Variants in WDFY2 observed in about 807,000 individuals in gnomAD.
The protein encoded by WDFY2 is WD repeat and FYVE domain containing 2.
Under a neutral mutation model 56.4 loss-of-function variants are expected in WDFY2, and 36 were observed. The ratio of observed to expected loss-of-function variants is 0.64; its 90% CI spans 0.49 to 0.84. WDFY2 has a LOEUF of 0.84. WDFY2 is among the 40% of genes least tolerant of loss of function. The probability of loss-of-function intolerance (pLI) is 0.00; values close to 1 mark genes in which losing one functional copy is unlikely to be tolerated. For missense variants in WDFY2, 444 were observed against 512.2 expected (o/e 0.87, Z 1.29); for synonymous variants, 176 against 183.7 (o/e 0.96, Z 0.34).
rs957738545 is a variant in WDFY2, at chr13:51,681,975, C to T, written c.279+6732C>T. On this transcript the variant is annotated intron_variant, in intron 3 of 11. Transcript: ENST00000298125. ...TTATCTAAAAACTTGGTCAAGCAGTCGTGAATGCAGATACCAAGAGCATTT... is the reference window on the plus strand; with the variant it reads ...TTATCTAAAAACTTGGTCAAGCAGTTGTGAATGCAGATACCAAGAGCATTT... Among the ~76,000 whole-genome samples, 4 of 152,256 alleles carry T rather than the reference C, an allele frequency of 2.6e-5. 1 individual carries two copies. The South Asian group carries it at 6.2e-4, about 24-fold the overall frequency.
intron 4 of WDFY2, among the ~76,000 whole-genome samples, chr13:51,710,285 T>A (rs1250844979): frequency 6.6e-6 from 1 of 152,160 alleles, no homozygotes; most frequent in African/African-American, 2.4e-5. Flanking sequence ...ATGGGACGTA[T>A]CTCAAAATAA....
chr13:51,708,565 G>A (rs140458534), intron 4 of WDFY2, among the ~76,000 whole-genome samples: 1 of 139,968 alleles, frequency 7.1e-6, no homozygotes, highest in East Asian at 2.1e-4. Context: ...GAATCATATA[G>A]TAATTCCCAA....
In WDFY2 at chr13:51,766,208, T is replaced by C. The variant is rs1331488828; in HGVS notation, c.*6439T>C. 2 of 152,262 alleles carry C rather than the reference T, an allele frequency of 1.3e-5. No homozygotes were observed. The highest frequency in any genetic ancestry group is 4.8e-5 in the African/African-American group (2 of 41,464). The allele number at this position is 152,262 out of a possible 1,614,324, so 9.4% of individuals were successfully genotyped here. A position where few individuals can be genotyped will look rare whatever the true frequency, so the allele number is the denominator to read the frequency against. On this transcript the variant is annotated 3_prime_UTR_variant, in exon 12 of 12. Coordinates refer to ENST00000298125, the MANE Select transcript of WDFY2 (RefSeq NM_052950.4). Reference sequence around the variant, plus strand: ...GCCTTGCTTTTTAAATGACTTTGTTTTTCAAGGTGCTGTCATTTTGCAAAA... The same window carrying C: ...GCCTTGCTTTTTAAATGACTTTGTTCTTCAAGGTGCTGTCATTTTGCAAAA...
intron 4 of WDFY2, among the ~76,000 whole-genome samples, chr13:51,714,741 A>G (rs1952305821): frequency 6.6e-6 from 1 of 152,242 alleles, no homozygotes; most frequent in Non-Finnish European, 1.5e-5. Flanking sequence ...CTGAAGGCAT[A>G]TATAGTCATG....
chr13:51,589,189 T>C (rs1953999450), intron 1 of WDFY2: 1 of 152,206 alleles, frequency 6.6e-6, no homozygotes, highest in Non-Finnish European at 1.5e-5. Flanking sequence ...GGTGATCACC[T>C]TTTTGAATTG....
chr13:51,749,638 G>T lies in WDFY2; in HGVS notation c.726-1672G>T, dbSNP rs74462907. Among the ~76,000 whole-genome samples the T allele has an allele frequency of 5.4e-3, 819 of 152,188 alleles. 3 individuals are homozygous for T. The highest frequency in any genetic ancestry group is 0.019 in the African/African-American group (785 of 41,534). ...TTAAAGTGGCAAAAAATGAACTCCTGTATTGACACAACTCAAAGGTATAGC... is the reference window on the plus strand; with the variant it reads ...TTAAAGTGGCAAAAAATGAACTCCTTTATTGACACAACTCAAAGGTATAGC... On this transcript the variant is annotated intron_variant, in intron 7 of 11. Transcript: ENST00000298125.
intron 7 of WDFY2, among the ~76,000 whole-genome samples, chr13:51,745,973 C>CTTTTTCTT (rs1953090484): frequency 4.0e-5 from 4 of 100,760 alleles, no homozygotes; most frequent in Non-Finnish European, 7.6e-5. Context: ...TTTTCTTTTT[C>CTTTTTCTT]TTTTTTTTTT....
chr13:51,660,588 T>G lies in WDFY2; in HGVS notation c.138-8T>G. On this transcript the variant is annotated splice_region_variant and splice_polypyrimidine_tract_variant and intron_variant, in intron 1 of 11. Coordinates refer to ENST00000298125, the MANE Select transcript of WDFY2 (RefSeq NM_052950.4). ...GTGATTTCATGTACATATTTTCTTC[T>G]GTTGTAGGACAGTTCGTGTTTGGTT... 1 of 1,612,956 alleles carries G rather than the reference T, an allele frequency of 6.2e-7. No individual in the cohort carries two copies. The highest frequency in any genetic ancestry group is 8.5e-7 in the Non-Finnish European group (1 of 1,179,128).
chr13:51,676,589 C>T (rs1040899783), intron 3 of WDFY2, among the ~76,000 whole-genome samples: 5 of 152,266 alleles, frequency 3.3e-5, no homozygotes, highest in African/African-American at 4.8e-5. Context: ...AAAGTTTTGT[C>T]TTTGATCTTT....
At chr13:51,614,029 A>G (rs1463669589) in intron 1 of WDFY2, among the ~76,000 whole-genome samples, 3 of 152,012 alleles carry the variant, frequency 2.0e-5, no homozygotes, top group African/African-American at 4.8e-5. Context: ...TACTAAAAAT[A>G]CAAAAAATTA....
chr13:51,661,216 G>A (rs1435613833), intron 2 of WDFY2, among the ~76,000 whole-genome samples: 7 of 152,140 alleles, frequency 4.6e-5, no homozygotes, highest in Admixed American at 4.6e-4. Context: ...TAAAAGAAAT[G>A]TGTGATTCTT....
intron 1 of WDFY2, among the ~76,000 whole-genome samples, chr13:51,610,180 CT>C (rs1954469689): frequency 6.6e-6 from 1 of 150,854 alleles, no homozygotes; most frequent in Admixed American, 6.6e-5. Context: ...CTGGGAATGC[CT>C]TTTGAGTTGG....
chr13:51,729,518 T>A (rs181960659), intron 6 of WDFY2, among the ~76,000 whole-genome samples: 1 of 151,166 alleles, frequency 6.6e-6, no homozygotes, highest in African/African-American at 2.4e-5. Flanking sequence ...GCAGGAGAGC[T>A]GCCTTCCTCC....
intron 6 of WDFY2, among the ~76,000 whole-genome samples, chr13:51,736,071 G>A (rs71436259): frequency 2.0e-5 from 3 of 152,176 alleles, no homozygotes; most frequent in Non-Finnish European, 4.4e-5. Context: ...GGATAGCATA[G>A]AATAAGCTGA....
intron 2 of WDFY2, among the ~76,000 whole-genome samples, chr13:51,671,177 C>T (rs947265348): frequency 2.0e-5 from 3 of 151,782 alleles, no homozygotes; most frequent in African/African-American, 4.9e-5. Flanking sequence ...TATAAACATG[C>T]GTGTGTGAGT....
At chr13:51,591,373 C>T (rs1444101408) in intron 1 of WDFY2, 1 of 151,974 alleles carries the variant, frequency 6.6e-6, no homozygotes, top group Non-Finnish European at 1.5e-5. Context: ...TGCCTAACAC[C>T]CAGTTGAACT....
At chr13:51,735,466 G>A (rs143780322) in intron 6 of WDFY2, among the ~76,000 whole-genome samples, 1 of 152,164 alleles carries the variant, frequency 6.6e-6, no homozygotes, top group African/African-American at 2.4e-5. Context: ...TTCCTGGAGG[G>A]AGAAAAAGTT....
intron 1 of WDFY2, among the ~76,000 whole-genome samples, chr13:51,633,866 A>G (rs959564572): frequency 3.3e-5 from 5 of 152,140 alleles, no homozygotes; most frequent in African/African-American, 1.2e-4. Flanking sequence ...TAGTATATAT[A>G]CTTTGGTCTG....
chr13:51,704,907 G>T (rs1952053049), intron 4 of WDFY2, among the ~76,000 whole-genome samples: 1 of 152,082 alleles, frequency 6.6e-6, no homozygotes, highest in Non-Finnish European at 1.5e-5. Flanking sequence ...CTTTAAGATG[G>T]TTCCTAATGA....
Sources: allele counts gnomAD v4.1 joint callset (sites outside exome capture counted in the v4.1 genomes callset), GRCh38; gene constraint gnomAD v4.1.1; transcripts MANE v1.5; gene names NCBI Gene and HGNC (gene_info 2026-07-23, HGNC 2026-07-21).